SPAG17: variants seen among roughly 807,000 people sequenced by gnomAD.
SPAG17 encodes sperm associated antigen 17.
In SPAG17, 169 loss-of-function variants were observed where a neutral mutation model predicts 273.6. The ratio of observed to expected loss-of-function variants is 0.62; its 90% CI spans 0.55 to 0.70. The LOEUF is 0.70. Among genes scored for constraint, SPAG17 ranks in the 30% least tolerant of loss-of-function variants. The probability of loss-of-function intolerance (pLI) is 0.00; values close to 1 mark genes in which losing one functional copy is unlikely to be tolerated. For missense variants in SPAG17, 2,557 were observed against 2,627.8 expected, an observed-to-expected ratio of 0.97 and a Z score of 0.59; for synonymous variants, 825 against 873.2, an observed-to-expected ratio of 0.94 and a Z score of 0.97.
intron 3 of SPAG17, among the ~76,000 whole-genome samples, chr1:118,140,142 C>T (rs1558040077): frequency 6.6e-6 from 1 of 152,132 alleles, no homozygotes; most frequent in African/African-American, 2.4e-5. Flanking sequence ...GCCTCCTTAA[C>T]TATAAAAAAT....
chr1:118,073,880 G>A lies in SPAG17; in HGVS notation c.2359C>T (p.His787Tyr), dbSNP rs768476142. ...TGAAGCAGTACTTTCGGTTTAAAAT[G>A]TTCAGTAAAACTCCAGTCCATTAGA... The part of the protein sequence containing the change: ...RSLMDWSFTE[H>Y]FKPKVLLQVL... Residue 787 changes from histidine (H) to tyrosine (Y), a missense_variant, in exon 17 of 49, where the codon CAT (histidine) becomes TAT (tyrosine). Coordinates refer to ENST00000336338, the MANE Select transcript of SPAG17 (RefSeq NM_206996.4). 6.3e-7 allele frequency: 1 copy of A among 1,581,142 alleles called. No homozygotes were observed. Among genetic ancestry groups the A allele is most frequent in the South Asian group, 1.2e-5 (1 of 84,768 alleles).
At chr1:118,142,860 G>C (rs539097025) in intron 3 of SPAG17, among the ~76,000 whole-genome samples, 1 of 152,290 alleles carries the variant, frequency 6.6e-6, no homozygotes, top group African/African-American at 2.4e-5. Context: ...CTAGTGGTAG[G>C]TACTCTGGAG....
chr1:118,012,945 G>A (rs1571237305), intron 29 of SPAG17, among the ~76,000 whole-genome samples: 1 of 152,140 alleles, frequency 6.6e-6, no homozygotes. Flanking sequence ...TGAGCTTGAG[G>A]GGTATGAGAA....
chr1:118,004,163 C>CACAACAAATAT (rs1274925051), intron 32 of SPAG17, among the ~76,000 whole-genome samples: 3 of 152,192 alleles, frequency 2.0e-5, no homozygotes, highest in African/African-American at 7.2e-5. Context: ...GCAAATATTG[C>CACAACAAATAT]TGCCTGATCC....
At chr1:118,135,371 ATGTGTGTGTGTGTGTGTGTGTG>A (rs57793942) in intron 3 of SPAG17, among the ~76,000 whole-genome samples, 4 of 139,928 alleles carry the variant, frequency 2.9e-5, no homozygotes, top group Non-Finnish European at 6.2e-5. Flanking sequence ...AGCTCAAGCA[ATGTGTGTGTGTGTGTGTGTGTG>A]TGTGTGTGTG....
At chr1:118,124,741 A>G (rs1570735938) in intron 3 of SPAG17, among the ~76,000 whole-genome samples, 2 of 152,294 alleles carry the variant, frequency 1.3e-5, no homozygotes, top group Admixed American at 1.3e-4. Flanking sequence ...CCTATCACCT[A>G]TTTTATTAGA....
chr1:118,153,180 C>G (rs887594679), intron 1 of SPAG17, among the ~76,000 whole-genome samples: 1 of 152,024 alleles, frequency 6.6e-6, no homozygotes, highest in African/African-American at 2.4e-5. Context: ...CATTTCAGAC[C>G]AGAAAATAAA....
At chr1:117,987,672 AG>A (rs1397747088) in intron 40 of SPAG17, among the ~76,000 whole-genome samples, 161 bp downstream of exon 40, 1 of 152,246 alleles carries the variant, frequency 6.6e-6, no homozygotes, top group African/African-American at 2.4e-5. Flanking sequence ...CTCAAGAGAC[AG>A]TGATGTCATC....
chr1:118,086,130 G>A, intron 12 of SPAG17, 58 bp from the exon 13 acceptor site: 2 of 1,494,070 alleles, frequency 1.3e-6, no homozygotes, highest in South Asian at 1.2e-5. Flanking sequence ...AGTGCCTTAT[G>A]CATATGGAGA....
intron 28 of SPAG17, among the ~76,000 whole-genome samples, chr1:118,020,927 G>A (rs1170493679): frequency 6.6e-6 from 1 of 152,068 alleles, no homozygotes; most frequent in Non-Finnish European, 1.5e-5. Context: ...TTAGAACACA[G>A]GCTTATTTAA....
chr1:117,972,949 G>T (rs950721645), intron 44 of SPAG17, among the ~76,000 whole-genome samples: 1 of 152,104 alleles, frequency 6.6e-6, no homozygotes, highest in Non-Finnish European at 1.5e-5. Flanking sequence ...TGAGGGTGAA[G>T]AAGCAAATGG....
At chr1:118,173,858 T>A (rs1484910810) in intron 1 of SPAG17, among the ~76,000 whole-genome samples, 52 of 118,270 alleles carry the variant, frequency 4.4e-4, no homozygotes, top group South Asian at 5.8e-4. Context: ...AGACCCTGTC[T>A]AAAAAAAAAA....
In SPAG17 at chr1:118,102,028, A is replaced by G. The variant is rs909451270; in HGVS notation, c.448-102T>C. 1.5e-5 allele frequency: 15 copies of G among 977,446 alleles called. No individual in the cohort carries two copies. In the African/African-American group the frequency reaches 1.6e-4, roughly 11 times the overall value. 60.5% of individuals were successfully genotyped at this position (977,446 alleles called of 1,614,324 possible). ...TTCTTCATCTCATTCAATCACTTGT[A>G]TACTCTTTATTTTTTAGGTATTCAT... On this transcript the variant is annotated intron_variant, in intron 4 of 48. Coordinates refer to ENST00000336338, the MANE Select transcript of SPAG17 (RefSeq NM_206996.4).
At chr1:118,041,707 G>C in intron 21 of SPAG17, 96 bp downstream of exon 21, 4 of 1,471,166 alleles carry the variant, frequency 2.7e-6, no homozygotes, top group Non-Finnish European at 3.7e-6. Context: ...GCCTACTGTG[G>C]GGTAGTGAAA....
At chr1:118,051,173 C>A (rs903364037) in intron 20 of SPAG17, among the ~76,000 whole-genome samples, 3 of 151,878 alleles carry the variant, frequency 2.0e-5, no homozygotes, top group African/African-American at 7.3e-5. Flanking sequence ...CAGGGAAATG[C>A]AAATTAAACT....
At chr1:117,955,179 T>C in intron 48 of SPAG17, 1 of 660,770 alleles carries the variant, frequency 1.5e-6, no homozygotes, top group Non-Finnish European at 2.5e-6. Flanking sequence ...TCTAAACTCA[T>C]GCAGATCTTG....
In SPAG17 at chr1:118,005,476, T is replaced by G; in HGVS notation, c.4714A>C (p.Ile1572Leu). ...KREQLRAGRY[I>L]MRHTSEVICE... ...ATAACCTCTGAAGTATGCCTCATGA[T>G]GTACCTGCCAGCTCGCAGCTGCTCA... Residue 1572 changes from isoleucine to leucine, a missense_variant, in exon 32 of 49, where the codon ATC becomes CTC. Transcript: ENST00000336338. The G allele has an allele frequency of 6.2e-7, 1 of 1,613,776 alleles. No individual in the cohort carries two copies. Among genetic ancestry groups the G allele is most frequent in the African/African-American group, 1.3e-5 (1 of 75,054 alleles).
At chr1:118,102,951 A>C (rs1320831607) in intron 4 of SPAG17, among the ~76,000 whole-genome samples, 1 of 152,176 alleles carries the variant, frequency 6.6e-6, no homozygotes, top group Non-Finnish European at 1.5e-5. Flanking sequence ...CTATGGCTCT[A>C]GTGGTGATGA....
chr1:118,097,719 A>G lies in SPAG17; in HGVS notation c.962T>C (p.Met321Thr). The G allele has an allele frequency of 6.2e-7, 1 of 1,610,696 alleles. No homozygotes were observed. Among genetic ancestry groups the G allele is most frequent in the Non-Finnish European group, 8.5e-7 (1 of 1,178,824 alleles). ...AGAAGGAAAATCAGCTGCTTTGACC[A>G]TGTACTCAAGTCGAGCAACATCAAA... Reference protein sequence around the residue: ...NLFDVARLEYMVKAADFPSDW... With the variant: ...NLFDVARLEYTVKAADFPSDW... The change falls in exon 7 of 49, where the codon ATG becomes ACG. Residue 321 changes from methionine to threonine, a missense_variant. By Grantham distance (81) the Met-to-Thr change is moderately conservative. Transcript: ENST00000336338.
Sources: gnomAD v4.1 joint callset for allele counts (sites outside exome capture counted in the v4.1 genomes callset) on GRCh38, gnomAD v4.1.1 for gene constraint, MANE v1.5 for transcripts, NCBI Gene and HGNC (gene_info 2026-07-23, HGNC 2026-07-21) for gene names.